Variants in COL23A1 observed in about 807,000 individuals in gnomAD.
COL23A1 encodes collagen alpha-1(XXIII) chain.
A neutral mutation model predicts 99.3 loss-of-function variants in COL23A1; 97 were observed. The ratio of observed to expected loss-of-function variants is 0.98; its 90% CI spans 0.83 to 1.16. COL23A1 has a LOEUF of 1.16. COL23A1 is among the 50% of genes most tolerant of loss of function. The probability of loss-of-function intolerance (pLI) is 0.00; values close to 1 mark genes in which losing one functional copy is unlikely to be tolerated. For missense variants in COL23A1, 762 were observed against 757.4 expected (o/e 1.01, Z -0.07); for synonymous variants, 320 against 308.2 (o/e 1.04, Z -0.40).
At chr5:178,242,318 A>C in intron 26 of COL23A1, 23 bp downstream of exon 26, 3 of 1,612,122 alleles carry the variant, frequency 1.9e-6, no homozygotes, top group Non-Finnish European at 2.5e-6. Context: ...CTCCTGCCCC[A>C]GCTCCCGTCC....
chr5:178,255,091 G>T lies in COL23A1; in HGVS notation c.883-65C>A. On this transcript the variant is annotated intron_variant, in intron 15 of 28. Coordinates refer to ENST00000390654, the MANE Select transcript of COL23A1 (RefSeq NM_173465.4). This position sits in a 1 kb window ranked among gnomAD's most constrained non-coding sequence, Gnocchi z 4.2. ...ACACTGAGTTGGAGGTGAAGTGGCAGCTGTCCCTGCATCACATCCAGAGAG... is the reference window on the plus strand; with the variant it reads ...ACACTGAGTTGGAGGTGAAGTGGCATCTGTCCCTGCATCACATCCAGAGAG... The T allele has an allele frequency of 7.6e-7, 1 of 1,317,118 alleles. No homozygotes were observed. The highest frequency in any genetic ancestry group is 1.1e-6 in the Non-Finnish European group (1 of 912,742). The allele number at this position is 1,317,118 out of a possible 1,614,324, so 81.6% of individuals were successfully genotyped here. A position where few individuals can be genotyped will look rare whatever the true frequency, so the allele number is the denominator to read the frequency against.
chr5:178,484,550 G>T (rs1042944592), intron 2 of COL23A1, among the ~76,000 whole-genome samples: 1 of 152,134 alleles, frequency 6.6e-6, no homozygotes, highest in Non-Finnish European at 1.5e-5. Context: ...CGGGCCGGGC[G>T]TGGTGGCTCA....
intron 2 of COL23A1, among the ~76,000 whole-genome samples, chr5:178,471,205 T>C (rs1756729187): frequency 6.6e-6 from 1 of 152,038 alleles, no homozygotes; most frequent in Non-Finnish European, 1.5e-5. Flanking sequence ...GAACAGTGGG[T>C]GCATTTATCA....
intron 2 of COL23A1, among the ~76,000 whole-genome samples, chr5:178,360,689 A>T (rs1467951299): frequency 1.3e-5 from 2 of 152,232 alleles, no homozygotes; most frequent in Non-Finnish European, 2.9e-5. Flanking sequence ...AATGAGAAAC[A>T]TACTAGAAAC....
Position 178,589,738 on chromosome 5 carries a change from C to T in COL23A1, c.294+166G>A, listed in dbSNP as rs997227439. Among the ~76,000 whole-genome samples the T allele has an allele frequency of 5.9e-5, 9 of 152,132 alleles. No homozygotes were observed. Among genetic ancestry groups the T allele is most frequent in the African/African-American group, 2.2e-4 (9 of 41,434 alleles). ...ACCCCTTGGGGCCGGCACCCCCTGC[C>T]TCCGCCTTGGCGCAGACGTGCCCAT... On this transcript the variant is annotated intron_variant, in intron 1 of 28. Coordinates refer to ENST00000390654, the MANE Select transcript of COL23A1 (RefSeq NM_173465.4). This position sits in a 1 kb window ranked among gnomAD's most constrained non-coding sequence, Gnocchi z 5.4.
Position 178,304,657 on chromosome 5 carries a change from C to A in COL23A1, c.406+2218G>T, listed in dbSNP as rs190524471. ...ATAAACTCAAGGCCCAGACAAGGCC[C>A]ATCAGAGAGGCACGTCTGTTCTGTG... On this transcript the variant is annotated intron_variant, in intron 3 of 28. Coordinates refer to ENST00000390654, the MANE Select transcript of COL23A1 (RefSeq NM_173465.4). 1.0e-3 allele frequency among the ~76,000 whole-genome samples: 156 copies of A among 152,208 alleles called. 2 individuals are homozygous for A. The South Asian group carries it at 0.022, about 21-fold the overall frequency.
intron 15 of COL23A1, 48 bp downstream of exon 15, chr5:178,256,305 G>A (rs546510197): frequency 3.0e-5 from 43 of 1,440,720 alleles, no homozygotes; most frequent in South Asian, 2.7e-4. Flanking sequence ...AAGCTATGGG[G>A]CCCCTAGATC....
In COL23A1 at chr5:178,496,118, G is replaced by A. The variant is rs755178999; in HGVS notation, c.361+64564C>T. 3.3e-5 allele frequency among the ~76,000 whole-genome samples: 5 copies of A among 152,162 alleles called. 1 individual carries two copies. The highest frequency in any genetic ancestry group is 9.7e-5 in the African/African-American group (4 of 41,442). ...GTAGGAGGCAGGATTCTCACTGAAC[G>A]AGCTTGTCCAGGGTACCTGAGTGCT... On this transcript the variant is annotated intron_variant, in intron 2 of 28. Coordinates refer to ENST00000390654, the MANE Select transcript of COL23A1 (RefSeq NM_173465.4).
chr5:178,474,031 A>C (rs1248306385), intron 2 of COL23A1, among the ~76,000 whole-genome samples: 1 of 152,206 alleles, frequency 6.6e-6, no homozygotes, highest in Non-Finnish European at 1.5e-5. Context: ...AGGAAAGCTG[A>C]CGTCATCAAG....
chr5:178,400,050 C>T (rs1407736576), intron 2 of COL23A1, among the ~76,000 whole-genome samples: 3 of 152,222 alleles, frequency 2.0e-5, no homozygotes, highest in Admixed American at 6.5e-5. Flanking sequence ...ACACCTCTAT[C>T]TTTTAAATTT....
At position 178,259,749 on chromosome 5, in the gene COL23A1, T is replaced by C; in HGVS notation, c.703-2A>G. 2 of 1,603,242 alleles carry C rather than the reference T, an allele frequency of 1.2e-6. No individual in the cohort carries two copies. Among genetic ancestry groups the C allele is most frequent in the South Asian group, 2.2e-5 (2 of 89,298 alleles). ...CTTTCCAGGTACTCCAGGCTCACCC[T>C]GGGGGAGGCAATGGGGGGTTCAAGA... On this transcript the variant is annotated splice_acceptor_variant, in intron 11 of 28. Coordinates refer to ENST00000390654, the MANE Select transcript of COL23A1 (RefSeq NM_173465.4). LOFTEE classifies it high-confidence loss of function.
At position 178,309,927 on chromosome 5, in the gene COL23A1, A is replaced by G. The variant is rs1418493221; in HGVS notation, c.362-3008T>C. Among the ~76,000 whole-genome samples the G allele has an allele frequency of 1.3e-5, 1 of 78,000 alleles. No homozygotes were observed. The highest frequency in any genetic ancestry group is 3.0e-5 in the Non-Finnish European group (1 of 33,188). The allele number at this position is 78,000 out of a possible 152,430, so 51.2% of individuals were successfully genotyped here. A position where few individuals can be genotyped will look rare whatever the true frequency, so the allele number is the denominator to read the frequency against. The stretch of plus-strand genomic sequence containing the variant: ...GGACACGACCAAGTGATGTGTGTTC[A>G]GGGGAGGAAGGGCGGGGGGGAGAGG... On this transcript the variant is annotated intron_variant, in intron 2 of 28. Transcript: ENST00000390654. This position sits in a 1 kb window ranked among gnomAD's most constrained non-coding sequence, Gnocchi z 4.7.
chr5:178,508,753 C>T (rs1759023870), intron 2 of COL23A1, among the ~76,000 whole-genome samples: 1 of 152,166 alleles, frequency 6.6e-6, no homozygotes, highest in Non-Finnish European at 1.5e-5. Context: ...TAAACAAGTG[C>T]ATCTGGCGAG....
At chr5:178,430,764 G>A (rs1296085690) in intron 2 of COL23A1, among the ~76,000 whole-genome samples, 1 of 152,138 alleles carries the variant, frequency 6.6e-6, no homozygotes, top group African/African-American at 2.4e-5. Context: ...CATTTTCTGA[G>A]TGCTGTGTCC....
intron 2 of COL23A1, among the ~76,000 whole-genome samples, chr5:178,524,575 G>C (rs541328691): frequency 1.8e-4 from 27 of 152,288 alleles, no homozygotes; most frequent in African/African-American, 6.3e-4. Context: ...GGAAATGGTC[G>C]GGCATTGACC....
At chr5:178,291,677 G>A (rs1462672979) in intron 3 of COL23A1, among the ~76,000 whole-genome samples, 3 of 152,042 alleles carry the variant, frequency 2.0e-5, no homozygotes, top group African/African-American at 4.8e-5. Flanking sequence ...AAGGAGGAGC[G>A]ATGGGGAGGG....
chr5:178,455,338 CAG>C (rs1399198413), intron 2 of COL23A1, among the ~76,000 whole-genome samples: 5 of 152,142 alleles, frequency 3.3e-5, no homozygotes, highest in Admixed American at 6.5e-5. Flanking sequence ...AGCTGGGGGC[CAG>C]GCCACAGGCA....
chr5:178,300,552 A>T (rs1042608066), intron 3 of COL23A1, among the ~76,000 whole-genome samples: 1 of 147,504 alleles, frequency 6.8e-6, no homozygotes, highest in African/African-American at 2.6e-5. Flanking sequence ...TGCTTTCAAG[A>T]TTCTTTTTTT....
intron 3 of COL23A1, among the ~76,000 whole-genome samples, chr5:178,292,640 G>A (rs565510347): frequency 3.0e-4 from 46 of 152,322 alleles, no homozygotes; most frequent in African/African-American, 1.1e-3. Context: ...GCATGCTGCA[G>A]GGGAGAGAGG....
Sources: allele counts gnomAD v4.1 joint callset (sites outside exome capture counted in the v4.1 genomes callset), GRCh38; gene constraint gnomAD v4.1.1; non-coding constraint Gnocchi (gnomAD v3.1); transcripts MANE v1.5; gene names NCBI Gene and HGNC (gene_info 2026-07-23, HGNC 2026-07-21).